Variants in CDCA5 observed in about 807,000 individuals in gnomAD.
The protein encoded by CDCA5 is cell division cycle associated 5, also known as sororin.
CDCA5 carries 14 observed loss-of-function variants against 25.7 expected under a neutral mutation model. The observed-to-expected ratio is 0.54, with a 90% CI of 0.36 to 0.85. The LOEUF (loss-of-function observed/expected upper bound fraction) is 0.85, where lower values mean the gene tolerates loss of function less well. CDCA5 is among the 40% of genes least tolerant of loss of function. The pLI is 0.01. For synonymous variants in CDCA5, 127 were observed against 128.7 expected (o/e 0.99, Z 0.09); for missense variants, 307 against 324.5 (o/e 0.95, Z 0.41).
chr11:65,083,315 C>G (rs775499325), intron 4 of CDCA5, 49 bp downstream of exon 4: 3 of 1,609,366 alleles, frequency 1.9e-6, no homozygotes, highest in South Asian at 1.1e-5. Flanking sequence ...CTGTCCAGCT[C>G]TAGAGTGACC....
intron 4 of CDCA5, among the ~76,000 whole-genome samples, chr11:65,082,835 T>A (rs1947600673): frequency 6.6e-6 from 1 of 151,966 alleles, no homozygotes; most frequent in Admixed American, 6.6e-5. Context: ...ATGGTCTGGG[T>A]TAGCTACCAT....
At chr11:65,082,813 T>C (rs1947599910) in intron 4 of CDCA5, among the ~76,000 whole-genome samples, 1 of 151,716 alleles carries the variant, frequency 6.6e-6, no homozygotes, top group Admixed American at 6.6e-5. Context: ...CACGAAACAT[T>C]CCCTGAGCCA....
At position 65,079,058 on chromosome 11, in the gene CDCA5, T is replaced by C. The variant is rs779766967; in HGVS notation, c.*49A>G. ...TGTCCTCTCCACAGGGAGGTGGCTA[T>C]GTACAGGACAGGAGGGAGAGTCTGG... On this transcript the variant is annotated 3_prime_UTR_variant, in exon 6 of 6. Coordinates refer to ENST00000275517, the MANE Select transcript of CDCA5 (RefSeq NM_080668.4). 11 of 1,476,912 alleles carry C rather than the reference T, an allele frequency of 7.4e-6. No homozygotes were observed. Among genetic ancestry groups the C allele is most frequent in the Admixed American group, 2.5e-5 (1 of 40,758 alleles). 91.5% of individuals were successfully genotyped at this position (1,476,912 alleles called of 1,614,324 possible). A position where few individuals can be genotyped will look rare whatever the true frequency, so the allele number is the denominator to read the frequency against.
At chr11:65,083,852 C>T in intron 1 of CDCA5, 81 bp downstream of exon 1, 5 of 1,596,158 alleles carry the variant, frequency 3.1e-6, no homozygotes, top group Non-Finnish European at 4.3e-6. Context: ...GCGGCGGCAG[C>T]GGGAGGGAAG....
At chr11:65,069,042 C>G (rs1947293824) in intron 1 of CDCA5, among the ~76,000 whole-genome samples, 1 of 151,962 alleles carries the variant, frequency 6.6e-6, no homozygotes, top group Admixed American at 6.6e-5. Flanking sequence ...GAGTTAGAGA[C>G]CAACCTGGGC....
rs76947447 is a variant in CDCA5 at position 65,068,059 on chromosome 11, G to A, written c.237C>T (p.Thr79=). 7 of 1,289,356 alleles carry A rather than the reference G, an allele frequency of 5.4e-6. No homozygotes were observed. The East Asian group carries it at 1.7e-4, about 31-fold the overall frequency. The allele number at this position is 1,289,356 out of a possible 1,614,324, so 79.9% of individuals were successfully genotyped here. The change falls in exon 3 of 7, where the codon ACC becomes ACT. Residue 79 remains threonine, a synonymous_variant. Coordinates refer to the CDCA5 transcript ENST00000525464. ...GGTCTTTTGGCTCAGTGGGCTCAGA[G>A]GTGTTCAGGAGTGTAAACAGGAACG... is the stretch of plus-strand genomic sequence containing the variant.
At chr11:65,067,857 C>T (rs1192578190) in intron 3 of CDCA5, 1 of 833,928 alleles carries the variant, frequency 1.2e-6, no homozygotes, top group Non-Finnish European at 1.7e-6. Context: ...CTTCAGCAGG[C>T]CTCTCTGGGC....
chr11:65,076,439 G>A (rs148686119), downstream of CDCA5, among the ~76,000 whole-genome samples: 217 of 152,178 alleles, frequency 1.4e-3, 1 homozygote, highest in African/African-American at 5.0e-3. Flanking sequence ...TAACAACAAA[G>A]CAAATAAAAG....
At chr11:65,077,249 T>C (rs1947463966), downstream of CDCA5, among the ~76,000 whole-genome samples, 1 of 151,860 alleles carries the variant, frequency 6.6e-6, no homozygotes, top group African/African-American at 2.4e-5. Context: ...ATCACGCCAC[T>C]GGACTCCAGC....
chr11:65,083,918 G>A lies in CDCA5; in HGVS notation c.46+15C>T. On this transcript the variant is annotated intron_variant, in intron 1 of 5. Transcript: ENST00000275517. ...AACGGCTCGACCTCACGTCTCCCGC[G>A]CGCCCTCCGCTCACCGGAGCGCTGA... The A allele has an allele frequency of 6.2e-7, 1 of 1,609,398 alleles. No individual in the cohort carries two copies. Among genetic ancestry groups the A allele is most frequent in the Non-Finnish European group, 8.5e-7 (1 of 1,179,828 alleles).
At chr11:65,081,376 C>T (rs1230957029) in intron 4 of CDCA5, among the ~76,000 whole-genome samples, 5 of 151,704 alleles carry the variant, frequency 3.3e-5, no homozygotes, top group African/African-American at 9.7e-5. Flanking sequence ...TGCAGTGAGC[C>T]GAGATTGCGC....
At chr11:65,062,967 C>T (rs1402936715), downstream of CDCA5, among the ~76,000 whole-genome samples, 2 of 152,144 alleles carry the variant, frequency 1.3e-5, no homozygotes, top group Non-Finnish European at 2.9e-5. Flanking sequence ...CAGAGCAGTG[C>T]CCGGCACCTA....
chr11:65,062,617 T>C (rs1947196006), downstream of CDCA5, among the ~76,000 whole-genome samples: 1 of 151,956 alleles, frequency 6.6e-6, no homozygotes, highest in South Asian at 2.1e-4. Flanking sequence ...CAATGAGCTC[T>C]TCCCTGACTA....
chr11:65,069,613 G>A (rs1009327852), intron 1 of CDCA5, among the ~76,000 whole-genome samples: 1 of 152,168 alleles, frequency 6.6e-6, no homozygotes, highest in Non-Finnish European at 1.5e-5. Context: ...TCCACAGAAC[G>A]ATGGAGAGTC....
At chr11:65,074,365 G>A (rs1048975030), downstream of CDCA5, among the ~76,000 whole-genome samples, 19 of 152,130 alleles carry the variant, frequency 1.2e-4, no homozygotes, top group African/African-American at 2.2e-4. Context: ...GAGCCACCGC[G>A]CCTGGCCCAA....
At chr11:65,072,637 C>T (rs1323306941), downstream of CDCA5, among the ~76,000 whole-genome samples, 1 of 152,202 alleles carries the variant, frequency 6.6e-6, no homozygotes, top group South Asian at 2.1e-4. Context: ...GTCCCCAGCT[C>T]CCACTGGAGG....
At position 65,078,219 on chromosome 11, in the gene CDCA5, T is replaced by C; in HGVS notation, c.*888A>G. 1 of 985,448 alleles carries C rather than the reference T, an allele frequency of 1.0e-6. No individual in the cohort carries two copies. Among genetic ancestry groups the C allele is most frequent in the Non-Finnish European group, 1.2e-6 (1 of 829,968 alleles). The allele number at this position is 985,448 out of a possible 1,614,324, so 61.0% of individuals were successfully genotyped here. On this transcript the variant is annotated 3_prime_UTR_variant, in exon 6 of 6. Transcript: ENST00000275517. The stretch of plus-strand genomic sequence containing the variant: ...CAAGTAGACTCGGTGTAACTTATTT[T>C]GTAAGAAATGGGTATGGGTGACAAG...
At chr11:65,066,006 C>G (rs894477959), downstream of CDCA5, among the ~76,000 whole-genome samples, 1 of 152,130 alleles carries the variant, frequency 6.6e-6, no homozygotes, top group Admixed American at 6.5e-5. Context: ...GAGCAGGTAC[C>G]CAGATCCTCC....
chr11:65,075,062 C>CAA (rs56076033), downstream of CDCA5, among the ~76,000 whole-genome samples: 17 of 66,160 alleles, frequency 2.6e-4, no homozygotes, highest in African/African-American at 8.8e-4. Flanking sequence ...AACTCCGTCT[C>CAA]AAAAAAAAAA....
Sources: allele counts gnomAD v4.1 joint callset (sites outside exome capture counted in the v4.1 genomes callset), GRCh38; gene constraint gnomAD v4.1.1; transcripts MANE v1.5; gene names NCBI Gene and HGNC (gene_info 2026-07-23, HGNC 2026-07-21).